Variants in MYT1L observed in about 807,000 individuals in gnomAD.
The protein encoded by MYT1L is myelin transcription factor 1-like protein.
A neutral mutation model predicts 126.7 loss-of-function variants in MYT1L; 12 were observed. The ratio of observed to expected loss-of-function variants is 0.09; its 90% CI spans 0.06 to 0.15. The LOEUF is 0.15. Ranked by LOEUF, MYT1L falls within the 10% of genes least tolerant of loss-of-function variation. The pLI is 1.00. For missense variants in MYT1L, 979 were observed against 1,585.2 expected, an observed-to-expected ratio of 0.62 and a Z score of 6.49; for synonymous variants, 541 against 604.2, an observed-to-expected ratio of 0.90 and a Z score of 1.53.
At chr2:1,897,493 C>T (rs2049761177) in intron 14 of MYT1L, among the ~76,000 whole-genome samples, 1 of 151,942 alleles carries the variant, frequency 6.6e-6, no homozygotes, top group Non-Finnish European at 1.5e-5. Context: ...GATGGAGTCT[C>T]ACTCTGTCAC....
chr2:1,985,224 T>C (rs1054128049), intron 5 of MYT1L, among the ~76,000 whole-genome samples: 1 of 152,204 alleles, frequency 6.6e-6, no homozygotes, highest in African/African-American at 2.4e-5. Flanking sequence ...GTCAATTCTT[T>C]GCTTGTCAGC....
chr2:2,037,057 C>T (rs909123028), intron 4 of MYT1L, among the ~76,000 whole-genome samples: 1 of 152,186 alleles, frequency 6.6e-6, no homozygotes, highest in African/African-American at 2.4e-5. Flanking sequence ...CTGAAATAGT[C>T]CCCCCGCTTA....
chr2:1,823,544 G>T (rs1558660079), intron 21 of MYT1L, among the ~76,000 whole-genome samples: 1 of 152,210 alleles, frequency 6.6e-6, no homozygotes, highest in Admixed American at 6.5e-5. Flanking sequence ...TGCAGGCGGG[G>T]CTTGGGTCAG....
chr2:2,252,923 T>G (rs1010135749), intron 2 of MYT1L, among the ~76,000 whole-genome samples: 1 of 152,174 alleles, frequency 6.6e-6, no homozygotes, highest in East Asian at 1.9e-4. Flanking sequence ...TTTTAGGGCA[T>G]GTATCCTGAA....
At chr2:2,101,438 C>CAGG (rs2078068755) in intron 3 of MYT1L, among the ~76,000 whole-genome samples, 1 of 152,036 alleles carries the variant, frequency 6.6e-6, no homozygotes, top group Admixed American at 6.6e-5. Context: ...GGCATTAAAT[C>CAGG]CACTCATCAA....
At chr2:2,132,976 C>G (rs1225050099) in intron 3 of MYT1L, among the ~76,000 whole-genome samples, 1 of 152,054 alleles carries the variant, frequency 6.6e-6, no homozygotes, top group East Asian at 1.9e-4. Flanking sequence ...GGAGTTGTCT[C>G]TTTTCATATT....
chr2:1,815,289 G>C (rs2148066171), intron 21 of MYT1L, among the ~76,000 whole-genome samples: 1 of 152,300 alleles, frequency 6.6e-6, no homozygotes, highest in South Asian at 2.1e-4. Flanking sequence ...TGTTGGTGCG[G>C]ATGTCTCTGC....
intron 18 of MYT1L, 23 bp downstream of exon 18, chr2:1,886,516 G>T (rs912654711): frequency 2.0e-6 from 3 of 1,534,966 alleles, no homozygotes; most frequent in Admixed American, 2.1e-5. Flanking sequence ...TTTTAAAAGA[G>T]AATTATTGTC....
intron 14 of MYT1L, among the ~76,000 whole-genome samples, chr2:1,900,505 T>C (rs1008750691): frequency 6.6e-6 from 1 of 152,174 alleles, no homozygotes; most frequent in Admixed American, 6.5e-5. Context: ...TTCACCGTGT[T>C]AGCCAGGATG....
intron 2 of MYT1L, among the ~76,000 whole-genome samples, chr2:2,175,105 G>A (rs568554628): frequency 5.9e-5 from 9 of 151,950 alleles, no homozygotes; most frequent in South Asian, 2.1e-4. Flanking sequence ...CAGTGGTTTC[G>A]GGAATTATCA....
chr2:1,931,427 C>T (rs1336135773), intron 9 of MYT1L, among the ~76,000 whole-genome samples: 1 of 148,804 alleles, frequency 6.7e-6, no homozygotes, highest in African/African-American at 2.5e-5. Context: ...CCATCCTCAG[C>T]GATGCCCACG....
At chr2:2,275,293 A>G (rs557361156) in intron 2 of MYT1L, among the ~76,000 whole-genome samples, 7 of 148,732 alleles carry the variant, frequency 4.7e-5, no homozygotes, top group African/African-American at 1.7e-4. Flanking sequence ...ATGTGAGACT[A>G]TCACATTGCT....
chr2:2,217,688 C>CAAAAAAAAAAAAAAAAAAAAAA (rs1192733884), intron 2 of MYT1L, among the ~76,000 whole-genome samples: 2 of 70,880 alleles, frequency 2.8e-5, no homozygotes, highest in Admixed American at 1.2e-4. Flanking sequence ...ACAACAACAA[C>CAAAAAAAAAAAAAAAAAAAAAA]AACAACAACA....
At chr2:2,170,167 C>T (rs574304458) in intron 3 of MYT1L, among the ~76,000 whole-genome samples, 4 of 152,264 alleles carry the variant, frequency 2.6e-5, no homozygotes, top group South Asian at 2.1e-4. Flanking sequence ...GACTGTCATG[C>T]GAGTTTGCAA....
intron 8 of MYT1L, among the ~76,000 whole-genome samples, chr2:1,976,996 C>T (rs1425539424): frequency 6.6e-6 from 1 of 152,148 alleles, no homozygotes; most frequent in African/African-American, 2.4e-5. Context: ...AGCATCTGGG[C>T]CAAGTAACCG....
At chr2:2,187,061 A>G (rs1238628829) in intron 2 of MYT1L, among the ~76,000 whole-genome samples, 2 of 152,180 alleles carry the variant, frequency 1.3e-5, no homozygotes, top group East Asian at 1.9e-4. Context: ...ATCCTCACAC[A>G]ATCCAGTCTT....
intron 3 of MYT1L, among the ~76,000 whole-genome samples, chr2:2,170,774 T>C (rs1477784062): frequency 6.6e-6 from 1 of 152,160 alleles, no homozygotes; most frequent in Non-Finnish European, 1.5e-5. Context: ...AATGAGAACA[T>C]GGATAACAAA....
In MYT1L at chr2:2,181,266, C is replaced by T. The variant is rs929390958; in HGVS notation, c.-420-8278G>A. Among the ~76,000 whole-genome samples the T allele has an allele frequency of 3.3e-5, 5 of 150,134 alleles. No homozygotes were observed. In the South Asian group the frequency reaches 8.3e-4, roughly 25 times the overall value. On this transcript the variant is annotated intron_variant, in intron 2 of 24. Coordinates refer to ENST00000647738, the MANE Select transcript of MYT1L (RefSeq NM_001303052.2). ...TCTGTGTGTGCACATGTATCTGTAC[C>T]TGTGTGTACCCGTGTGCGTGCACCT...
At chr2:1,985,763 A>G (rs2149526220) in intron 5 of MYT1L, among the ~76,000 whole-genome samples, 1 of 152,372 alleles carries the variant, frequency 6.6e-6, no homozygotes, top group African/African-American at 2.4e-5. Flanking sequence ...GTTGCAATAA[A>G]GATGTCTTGT....
Sources: allele counts gnomAD v4.1 joint callset (sites outside exome capture counted in the v4.1 genomes callset), GRCh38; gene constraint gnomAD v4.1.1; transcripts MANE v1.5; gene names NCBI Gene and HGNC (gene_info 2026-07-23, HGNC 2026-07-21).